CEP120: variants seen among roughly 807,000 people sequenced by gnomAD.
The protein encoded by CEP120 is centrosomal protein of 120 kDa.
In CEP120, 113 loss-of-function variants were observed where a neutral mutation model predicts 126.5. The ratio of observed to expected loss-of-function variants is 0.89; its 90% CI spans 0.77 to 1.04. The LOEUF (loss-of-function observed/expected upper bound fraction) is 1.04, where lower values mean the gene tolerates loss of function less well. Among genes scored for constraint, CEP120 ranks in the 50% least tolerant of loss-of-function variants. CEP120 has a pLI of 0.00. For missense variants in CEP120, 1,230 were observed against 1,155.7 expected, an observed-to-expected ratio of 1.06 and a Z score of -0.93; for synonymous variants, 400 against 394.3, an observed-to-expected ratio of 1.01 and a Z score of -0.17.
chr5:123,399,966 C>T (rs1773067065), intron 4 of CEP120, among the ~76,000 whole-genome samples: 1 of 152,136 alleles, frequency 6.6e-6, no homozygotes, highest in Non-Finnish European at 1.5e-5. Flanking sequence ...AAAAAACATA[C>T]ACAACTAAAA....
intron 16 of CEP120, 72 bp downstream of exon 16, chr5:123,377,302 A>G (rs1254606099): frequency 7.2e-7 from 1 of 1,391,596 alleles, no homozygotes; most frequent in Non-Finnish European, 9.9e-7. Context: ...TTTAGTAGTT[A>G]GTGAACTATT....
chr5:123,412,645 T>C, intron 3 of CEP120, 105 bp from the exon 4 acceptor site: 1 of 754,052 alleles, frequency 1.3e-6, no homozygotes, highest in Non-Finnish European at 1.9e-6. Flanking sequence ...TTTTCAGTAC[T>C]TTATAAACAA....
In CEP120 at chr5:123,422,448, T is replaced by C. The variant is rs909072216; in HGVS notation, c.49+502A>G. ...CTCAATGAGTCCCAATAAACCAATG[T>C]CATTCATCCAAAACACACCTTTTAA... On this transcript the variant is annotated intron_variant, in intron 1 of 19. Transcript: ENST00000306467. The C allele has an allele frequency of 3.5e-6, 5 of 1,435,224 alleles. No individual in the cohort carries two copies. The African/African-American group carries it at 5.6e-5, about 16-fold the overall frequency. 88.9% of individuals were successfully genotyped at this position (1,435,224 alleles called of 1,614,324 possible). A position where few individuals can be genotyped will look rare whatever the true frequency, so the allele number is the denominator to read the frequency against.
At chr5:123,356,799 T>A (rs1769668550) in intron 18 of CEP120, among the ~76,000 whole-genome samples, 1 of 152,186 alleles carries the variant, frequency 6.6e-6, no homozygotes, top group African/African-American at 2.4e-5. Flanking sequence ...TAAATTTTAA[T>A]TCTATGTATA....
intron 11 of CEP120, 80 bp from the exon 12 acceptor site, chr5:123,383,162 G>A: frequency 1.2e-6 from 1 of 821,580 alleles, no homozygotes; most frequent in South Asian, 1.9e-5. Flanking sequence ...CAGTGCTTTA[G>A]CAATGGGAAG....
intron 6 of CEP120, among the ~76,000 whole-genome samples, chr5:123,392,567 C>G (rs1346516): frequency 0.72 from 109,564 of 152,092 alleles, 39,677 homozygotes; most frequent in African/African-American, 0.78. Context: ...CTGGAGTACA[C>G]TGGTGTGATC....
intron 5 of CEP120, among the ~76,000 whole-genome samples, chr5:123,398,249 A>C (rs552966433): frequency 1.3e-5 from 2 of 152,176 alleles, no homozygotes; most frequent in African/African-American, 4.8e-5. Context: ...GGAAAAAAAA[A>C]GGGAAGTGGA....
At chr5:123,422,480 T>C (rs1774782260) in intron 1 of CEP120, 5 of 1,533,100 alleles carry the variant, frequency 3.3e-6, no homozygotes, top group Non-Finnish European at 4.4e-6. Context: ...TTAAGGAATG[T>C]ATAATACACC....
At chr5:123,419,644 A>C (rs971453565) in intron 1 of CEP120, among the ~76,000 whole-genome samples, 1 of 151,978 alleles carries the variant, frequency 6.6e-6, no homozygotes. Flanking sequence ...AACACTGTAC[A>C]CTATCAGGAA....
intron 5 of CEP120, among the ~76,000 whole-genome samples, chr5:123,394,145 T>C (rs1772600968): frequency 6.6e-6 from 1 of 152,230 alleles, no homozygotes; most frequent in African/African-American, 2.4e-5. Flanking sequence ...TGTTAAACAA[T>C]AAGCTATAAA....
chr5:123,346,949 CT>C (rs911666682), intron 19 of CEP120, among the ~76,000 whole-genome samples, 196 bp from the exon 20 acceptor site: 9 of 152,074 alleles, frequency 5.9e-5, no homozygotes, highest in African/African-American at 2.2e-4. Context: ...AAAAACAATA[CT>C]TGTTTTTCTA....
intron 4 of CEP120, chr5:123,403,336 T>C: frequency 2.2e-6 from 1 of 455,324 alleles, no homozygotes; most frequent in Non-Finnish European, 4.4e-6. Flanking sequence ...TTGGAACATC[T>C]TGCTGTGCCT....
intron 17 of CEP120, among the ~76,000 whole-genome samples, chr5:123,368,030 T>C (rs1770589482): frequency 6.6e-6 from 1 of 151,954 alleles, no homozygotes; most frequent in African/African-American, 2.4e-5. Context: ...ACATGCTGGA[T>C]GAATGTATTA....
intron 17 of CEP120, among the ~76,000 whole-genome samples, chr5:123,365,174 G>C (rs1044729920): frequency 4.0e-5 from 6 of 151,696 alleles, no homozygotes; most frequent in Admixed American, 4.0e-4. Flanking sequence ...CCAAGAGTAA[G>C]AAAAATAATG....
chr5:123,422,521 CAGCA>C (rs1306966317), intron 1 of CEP120: 1 of 1,535,478 alleles, frequency 6.5e-7, no homozygotes, highest in Non-Finnish European at 8.7e-7. Context: ...CTGAGTCCTC[CAGCA>C]AGACGTGTAA....
chr5:123,361,217 G>T (rs1484576801), intron 18 of CEP120, among the ~76,000 whole-genome samples: 1 of 151,770 alleles, frequency 6.6e-6, no homozygotes, highest in African/African-American at 2.4e-5. Context: ...TTCCTATCCA[G>T]TAGTGTTATT....
chr5:123,383,818 AG>A (rs1771833008), intron 11 of CEP120, among the ~76,000 whole-genome samples: 1 of 152,172 alleles, frequency 6.6e-6, no homozygotes, highest in South Asian at 2.1e-4. Context: ...ATAAAATATT[AG>A]AAGAAAATAA....
intron 7 of CEP120, 86 bp from the exon 8 acceptor site, chr5:123,390,226 T>C: frequency 1.0e-6 from 1 of 1,002,296 alleles, no homozygotes; most frequent in Non-Finnish European, 1.5e-6. Context: ...TTTTTAAAAA[T>C]ATAAGCTTCC....
At position 123,389,522 on chromosome 5, in the gene CEP120, C is replaced by T. The variant is rs193063162; in HGVS notation, c.1255+402G>A. Among the ~76,000 whole-genome samples the T allele has an allele frequency of 2.7e-3, 407 of 151,124 alleles. 2 individuals are homozygous for T. The highest frequency in any genetic ancestry group is 8.9e-3 in the African/African-American group (369 of 41,256). On this transcript the variant is annotated intron_variant, in intron 8 of 19. Coordinates refer to ENST00000306467, the MANE Select transcript of CEP120 (RefSeq NM_001375405.1). Reference sequence around the variant, plus strand: ...TACTGTTTTGTTTTTTGTTTTGAGACGGAGTTCCGCTCTTGTTGCCCAGGC... The same window carrying T: ...TACTGTTTTGTTTTTTGTTTTGAGATGGAGTTCCGCTCTTGTTGCCCAGGC...
Sources: gnomAD v4.1 joint callset for allele counts (sites outside exome capture counted in the v4.1 genomes callset) on GRCh38, gnomAD v4.1.1 for gene constraint, MANE v1.5 for transcripts, NCBI Gene and HGNC (gene_info 2026-07-23, HGNC 2026-07-21) for gene names.